SYT2: variants seen among roughly 807,000 people sequenced by gnomAD.
SYT2 encodes synaptotagmin-2.
SYT2 carries 15 observed loss-of-function variants against 39.9 expected under a neutral mutation model. That is an observed-to-expected ratio of 0.38 (90% confidence interval 0.25 to 0.58). SYT2 has a LOEUF of 0.58. SYT2 is among the 20% of genes least tolerant of loss of function. The pLI, the probability that SYT2 is intolerant of heterozygous loss-of-function variation, is 0.70. For synonymous variants in SYT2, 181 were observed against 204.5 expected (o/e 0.89, Z 0.98); for missense variants, 389 against 530.3 (o/e 0.73, Z 2.62).
At chr1:202,620,216 C>T (rs1027944151) in intron 1 of SYT2, among the ~76,000 whole-genome samples, 1 of 152,256 alleles carries the variant, frequency 6.6e-6, no homozygotes, top group Non-Finnish European at 1.5e-5. Flanking sequence ...GGCCACTTGG[C>T]CCCTGTGACA....
At chr1:202,669,314 G>A (rs756573739) in intron 1 of SYT2, among the ~76,000 whole-genome samples, 1 of 151,758 alleles carries the variant, frequency 6.6e-6, no homozygotes, top group Non-Finnish European at 1.5e-5. Context: ...GAGCTCAGGT[G>A]ATTGGGACCA....
At chr1:202,689,897 CT>C (rs1653774665) in intron 1 of SYT2, among the ~76,000 whole-genome samples, 2 of 151,966 alleles carry the variant, frequency 1.3e-5, no homozygotes, top group East Asian at 1.9e-4. Context: ...AAGTGCCCCC[CT>C]ATCACCCCAC....
chr1:202,705,367 A>G (rs1025321182), intron 1 of SYT2, among the ~76,000 whole-genome samples: 1 of 152,218 alleles, frequency 6.6e-6, no homozygotes, highest in Non-Finnish European at 1.5e-5. Context: ...CGCAGGGAGG[A>G]GCCCTGAGGT....
intron 3 of SYT2, 57 bp from the exon 4 acceptor site, chr1:202,603,175 G>C: frequency 6.2e-7 from 1 of 1,602,792 alleles, no homozygotes; most frequent in Non-Finnish European, 8.5e-7. Flanking sequence ...GAGAAGTCTG[G>C]CTTAGCACAG....
intron 1 of SYT2, among the ~76,000 whole-genome samples, chr1:202,638,464 C>T (rs182461861): frequency 4.6e-5 from 7 of 152,240 alleles, no homozygotes; most frequent in Admixed American, 6.5e-5. Context: ...CTGAGAGACC[C>T]GCTCAATGGG....
intron 1 of SYT2, among the ~76,000 whole-genome samples, chr1:202,613,025 T>G (rs1690928678): frequency 1.3e-5 from 2 of 151,620 alleles, no homozygotes; most frequent in Admixed American, 1.3e-4. Flanking sequence ...TTTTTGTATC[T>G]CAGTCTTGTA....
intron 3 of SYT2, 46 bp from the exon 4 acceptor site, chr1:202,603,164 C>A: frequency 1.2e-6 from 2 of 1,610,668 alleles, no homozygotes; most frequent in Non-Finnish European, 1.7e-6. Flanking sequence ...AGGGGAGGAC[C>A]GAGAAGTCTG....
At chr1:202,638,071 C>A (rs1182355476) in intron 1 of SYT2, among the ~76,000 whole-genome samples, 1 of 152,230 alleles carries the variant, frequency 6.6e-6, no homozygotes, top group African/African-American at 2.4e-5. Flanking sequence ...TGCAGTACAG[C>A]CACATTACCT....
At chr1:202,602,971 C>G (rs762004627) in intron 4 of SYT2, 28 bp downstream of exon 4, 9 of 1,535,336 alleles carry the variant, frequency 5.9e-6, no homozygotes, top group South Asian at 3.4e-5. Context: ...CCCATTCCCC[C>G]ACTCTGCCCC....
chr1:202,688,890 G>A (rs1011601213), intron 1 of SYT2, among the ~76,000 whole-genome samples: 5 of 152,150 alleles, frequency 3.3e-5, no homozygotes, highest in Admixed American at 1.3e-4. Flanking sequence ...GGATGGTGAC[G>A]GGAGTCACAA....
chr1:202,699,493 A>G (rs1259161459), intron 1 of SYT2, among the ~76,000 whole-genome samples: 5 of 152,172 alleles, frequency 3.3e-5, no homozygotes, highest in Non-Finnish European at 7.4e-5. Flanking sequence ...TTGAATCTGG[A>G]TGTTATTCTG....
At chr1:202,645,037 C>T (rs1302783977) in intron 1 of SYT2, among the ~76,000 whole-genome samples, 1 of 152,132 alleles carries the variant, frequency 6.6e-6, no homozygotes, top group Non-Finnish European at 1.5e-5. Context: ...CATCTGCATA[C>T]CTGGGTGTTG....
intron 1 of SYT2, among the ~76,000 whole-genome samples, chr1:202,685,729 C>T (rs1339103358): frequency 6.6e-6 from 1 of 152,142 alleles, no homozygotes; most frequent in Non-Finnish European, 1.5e-5. Flanking sequence ...TTATTTCAAT[C>T]CACACTGAAG....
intron 1 of SYT2, among the ~76,000 whole-genome samples, chr1:202,607,743 C>T (rs556941081): frequency 1.2e-4 from 19 of 152,318 alleles, no homozygotes; most frequent in South Asian, 1.0e-3. Flanking sequence ...CACTGGACTT[C>T]GCCTCTGGGG....
chr1:202,709,376 C>A (rs1654332896), intron 1 of SYT2, among the ~76,000 whole-genome samples: 1 of 152,162 alleles, frequency 6.6e-6, no homozygotes, highest in African/African-American at 2.4e-5. Context: ...AGGGAGGAGA[C>A]AGGATGAGGG....
intron 1 of SYT2, among the ~76,000 whole-genome samples, chr1:202,646,399 C>G (rs1394704129): frequency 1.3e-5 from 2 of 152,212 alleles, no homozygotes; most frequent in African/African-American, 4.8e-5. Context: ...GTGCCCTGTG[C>G]TTCTCCTCTG....
chr1:202,657,360 G>A (rs528813653), intron 1 of SYT2, among the ~76,000 whole-genome samples: 60 of 152,184 alleles, frequency 3.9e-4, no homozygotes, highest in Non-Finnish European at 2.9e-4. Flanking sequence ...CTCCACCTAC[G>A]ATTCTCTCTT....
Position 202,596,875 on chromosome 1 carries a change from G to A in SYT2, c.1142C>T (p.Thr381Met), listed in dbSNP as rs377756166. The change falls in exon 9 of 9, where the codon ACG becomes ATG. Residue 381 changes from threonine to methionine, a missense_variant. Thr to Met is a moderately conservative substitution (Grantham distance 81). This residue lies in a region of SYT2 where 84 missense variants were observed against 123.1 expected (regional missense o/e 0.68). Coordinates refer to ENST00000367268, the MANE Select transcript of SYT2 (RefSeq NM_177402.5). ...GGACCAGTGCCGCAGCTCTGTGCCCGTGGCATTGCTGCCCACGAAGATCTT... is the reference window on the plus strand; with the variant it reads ...GGACCAGTGCCGCAGCTCTGTGCCCATGGCATTGCTGCCCACGAAGATCTT... ...IGKIFVGSNA[T>M]GTELRHWSDM... 145 of 1,614,108 alleles carry A rather than the reference G, an allele frequency of 9.0e-5. No individual in the cohort carries two copies. Among genetic ancestry groups the A allele is most frequent in the Middle Eastern group, 1.6e-4 (1 of 6,084 alleles).
Position 202,602,027 on chromosome 1 carries a change from G to C in SYT2, c.664C>G (p.Leu222Val). 1 of 1,614,178 alleles carries C rather than the reference G, an allele frequency of 6.2e-7. No individual in the cohort carries two copies. The highest frequency in any genetic ancestry group is 8.5e-7 in the Non-Finnish European group (1 of 1,180,034). Residue 222 changes from leucine to valine, a missense_variant, in exon 6 of 9, where the codon CTG becomes GTG. This residue lies in a region of SYT2 where 280 missense variants were observed against 335.6 expected (regional missense o/e 0.83). Coordinates refer to ENST00000367268, the MANE Select transcript of SYT2 (RefSeq NM_177402.5). The stretch of plus-strand genomic sequence containing the variant: ...TCAAAGTCATAGATGGCCATCACCA[G>C]AGTTTTGCCCCCAAGCTCCTGGTAT... ...VPYQELGGKT[L>V]VMAIYDFDRF...
Sources: gnomAD v4.1 joint callset for allele counts (sites outside exome capture counted in the v4.1 genomes callset) on GRCh38, gnomAD v4.1.1 for gene constraint, gnomAD v4.1.1 regional missense constraint, MANE v1.5 for transcripts, NCBI Gene and HGNC (gene_info 2026-07-23, HGNC 2026-07-21) for gene names.